ST3GAL3: variants seen among roughly 807,000 people sequenced by gnomAD.
ST3GAL3 encodes the protein CMP-N-acetylneuraminate-beta-1,4-galactoside alpha-2,3-sialyltransferase.
In ST3GAL3, 21 loss-of-function variants were observed where a neutral mutation model predicts 50.1. The ratio of observed to expected loss-of-function variants is 0.42; its 90% CI spans 0.30 to 0.60. The LOEUF is 0.60. Ranked by LOEUF, ST3GAL3 falls within the 20% of genes least tolerant of loss-of-function variation. The pLI, the probability that ST3GAL3 is intolerant of heterozygous loss-of-function variation, is 0.19. For missense variants in ST3GAL3, 353 were observed against 489.4 expected (o/e 0.72, Z 2.63); for synonymous variants, 183 against 190.0 (o/e 0.96, Z 0.30).
At chr1:43,714,001 T>C (rs1432332420) in intron 1 of ST3GAL3, among the ~76,000 whole-genome samples, 1 of 152,130 alleles carries the variant, frequency 6.6e-6, no homozygotes, top group Admixed American at 6.6e-5. Context: ...CAGTAGCTCA[T>C]ACATGTGATC....
chr1:43,769,643 C>A lies in ST3GAL3; in HGVS notation c.119-22459C>A, dbSNP rs116575040. 2.2e-3 allele frequency among the ~76,000 whole-genome samples: 328 copies of A among 152,296 alleles called. 2 individuals carry two copies. The highest frequency in any genetic ancestry group is 7.7e-3 in the African/African-American group (319 of 41,550). On this transcript the variant is annotated intron_variant, in intron 2 of 11. Coordinates refer to ENST00000347631, the MANE Select transcript of ST3GAL3 (RefSeq NM_006279.5). Reference sequence around the variant, plus strand: ...ATTCAGTTCCTACCCCGTGAAGGTGCTGGACTAGATGGTTCAAGTGTTTTA... The same window carrying A: ...ATTCAGTTCCTACCCCGTGAAGGTGATGGACTAGATGGTTCAAGTGTTTTA...
chr1:43,817,876 C>CCTCCTCCTCCTT (rs2061610685), intron 4 of ST3GAL3, among the ~76,000 whole-genome samples: 2 of 140,656 alleles, frequency 1.4e-5, no homozygotes, highest in Admixed American at 7.2e-5. Context: ...TCCTCCTCCT[C>CCTCCTCCTCCTT]CTCCTCCTTC....
At chr1:43,904,905 T>C (rs1215610570) in intron 9 of ST3GAL3, among the ~76,000 whole-genome samples, 6 of 128,606 alleles carry the variant, frequency 4.7e-5, no homozygotes, top group South Asian at 2.7e-4. Flanking sequence ...CTCCCCCTCC[T>C]CCTGCTCCTC....
chr1:43,826,267 G>GA (rs1241456607), intron 4 of ST3GAL3, among the ~76,000 whole-genome samples: 1 of 151,908 alleles, frequency 6.6e-6, no homozygotes, highest in African/African-American at 2.4e-5. Flanking sequence ...CAAAACAAAA[G>GA]AAAAAGGATA....
intron 2 of ST3GAL3, among the ~76,000 whole-genome samples, chr1:43,769,572 A>G (rs184655026): frequency 2.2e-4 from 34 of 152,182 alleles, no homozygotes; most frequent in African/African-American, 7.7e-4. Context: ...ATATCTGGTA[A>G]TAGGGAAGGT....
At chr1:43,898,096 A>G (rs1178182333) in intron 6 of ST3GAL3, 139 bp from the exon 7 acceptor site, 1 of 889,062 alleles carries the variant, frequency 1.1e-6, no homozygotes, top group East Asian at 2.6e-5. Context: ...GGCCCAATAC[A>G]TCCTTGTGTC....
intron 11 of ST3GAL3, among the ~76,000 whole-genome samples, chr1:43,925,296 C>CA (rs57654790): frequency 2.5e-4 from 23 of 90,242 alleles, no homozygotes; most frequent in South Asian, 1.1e-3. Flanking sequence ...GACTGTGTCT[C>CA]AAAAAAAAAA....
intron 6 of ST3GAL3, among the ~76,000 whole-genome samples, chr1:43,898,034 C>CCTGT (rs2077645665): frequency 6.6e-6 from 1 of 152,170 alleles, no homozygotes; most frequent in Non-Finnish European, 1.5e-5. Flanking sequence ...CAGTGATATG[C>CCTGT]CTGTCTGTTT....
intron 5 of ST3GAL3, among the ~76,000 whole-genome samples, chr1:43,873,854 G>T (rs932574655): frequency 2.0e-5 from 3 of 152,080 alleles, no homozygotes; most frequent in Non-Finnish European, 4.4e-5. Context: ...ATAGCAGTGT[G>T]TGGGGTTCAG....
intron 2 of ST3GAL3, among the ~76,000 whole-genome samples, chr1:43,748,051 A>G (rs1684543838): frequency 3.9e-5 from 6 of 152,092 alleles, no homozygotes; most frequent in Admixed American, 3.9e-4. Context: ...CCTCATTAGA[A>G]CAAAAAATGC....
chr1:43,856,089 G>A (rs551335597), intron 5 of ST3GAL3, among the ~76,000 whole-genome samples: 14 of 152,310 alleles, frequency 9.2e-5, no homozygotes, highest in African/African-American at 2.6e-4. Flanking sequence ...GACTGATCTC[G>A]TCACATTCTT....
At chr1:43,803,536 C>T (rs2059553471) in intron 3 of ST3GAL3, among the ~76,000 whole-genome samples, 2 of 152,128 alleles carry the variant, frequency 1.3e-5, no homozygotes, top group African/African-American at 2.4e-5. Flanking sequence ...CCAACGGTGT[C>T]ATTTTCTTTT....
chr1:43,776,667 C>T (rs1003166171), intron 2 of ST3GAL3, among the ~76,000 whole-genome samples: 34 of 152,264 alleles, frequency 2.2e-4, no homozygotes, highest in African/African-American at 6.0e-4. Flanking sequence ...TCCAAAGCTG[C>T]TACATCATTT....
At chr1:43,835,928 C>T (rs1054856950) in intron 4 of ST3GAL3, among the ~76,000 whole-genome samples, 1 of 152,244 alleles carries the variant, frequency 6.6e-6, no homozygotes, top group African/African-American at 2.4e-5. Context: ...CCGTGTCTGA[C>T]TGTGTTGACC....
chr1:43,820,857 A>G (rs1443623919), intron 4 of ST3GAL3, among the ~76,000 whole-genome samples: 1 of 152,172 alleles, frequency 6.6e-6, no homozygotes, highest in Non-Finnish European at 1.5e-5. Context: ...ACATCTTACT[A>G]GCTCTAATCT....
At chr1:43,803,174 T>C (rs981053738) in intron 3 of ST3GAL3, among the ~76,000 whole-genome samples, 1 of 152,182 alleles carries the variant, frequency 6.6e-6, no homozygotes. Context: ...TCCGCCCGCG[T>C]TGGCCTCCCA....
chr1:43,818,700 G>A (rs1313449163), intron 4 of ST3GAL3, among the ~76,000 whole-genome samples: 1 of 151,996 alleles, frequency 6.6e-6, no homozygotes, highest in Non-Finnish European at 1.5e-5. Flanking sequence ...TGTATTTAAA[G>A]AAATAAGAGA....
At chr1:43,793,948 G>A (rs1040280724) in intron 3 of ST3GAL3, among the ~76,000 whole-genome samples, 2 of 151,992 alleles carry the variant, frequency 1.3e-5, no homozygotes, top group Non-Finnish European at 2.9e-5. Context: ...GTAAGGGCAC[G>A]GTGGCGTGTG....
At chr1:43,752,136 A>G (rs181413643) in intron 2 of ST3GAL3, among the ~76,000 whole-genome samples, 5 of 152,144 alleles carry the variant, frequency 3.3e-5, no homozygotes, top group South Asian at 2.1e-4. Context: ...TGAACATTCA[A>G]CTATGTGCTT....
Sources: gnomAD v4.1 joint callset for allele counts (sites outside exome capture counted in the v4.1 genomes callset) on GRCh38, gnomAD v4.1.1 for gene constraint, MANE v1.5 for transcripts, NCBI Gene and HGNC (gene_info 2026-07-23, HGNC 2026-07-21) for gene names.